PPM1E: variants seen among roughly 807,000 people sequenced by gnomAD.
PPM1E encodes protein phosphatase 1E.
Under a neutral mutation model 65.9 loss-of-function variants are expected in PPM1E, and 20 were observed. The ratio of observed to expected loss-of-function variants is 0.30; its 90% CI spans 0.21 to 0.44. The LOEUF (loss-of-function observed/expected upper bound fraction) is 0.44, where lower values mean the gene tolerates loss of function less well. Ranked by LOEUF, PPM1E falls within the 20% of genes least tolerant of loss-of-function variation. PPM1E has a pLI of 1.00. For synonymous variants in PPM1E, 352 were observed against 374.9 expected (o/e 0.94, Z 0.70); for missense variants, 713 against 953.1 (o/e 0.75, Z 3.32).
rs116150817 is a variant in PPM1E, at chr17:58,761,099, T to C, written c.464+4638T>C. 3.4e-3 allele frequency among the ~76,000 whole-genome samples: 522 copies of C among 152,230 alleles called. 6 individuals are homozygous for C. The highest frequency in any genetic ancestry group is 0.012 in the African/African-American group (512 of 41,532). The stretch of plus-strand genomic sequence containing the variant: ...TGTTTTGTTTTTTAAAGAGATGGGG[T>C]CTCACTATATTCCCTACGCTGGATT... On this transcript the variant is annotated intron_variant, in intron 1 of 6. Coordinates refer to ENST00000308249, the MANE Select transcript of PPM1E (RefSeq NM_014906.5).
intron 1 of PPM1E, among the ~76,000 whole-genome samples, chr17:58,832,057 A>G (rs1243490176): frequency 6.6e-6 from 1 of 152,194 alleles, no homozygotes; most frequent in Non-Finnish European, 1.5e-5. Context: ...CTGTAGGACT[A>G]TTGATCCTAA....
At chr17:58,968,368 T>C (rs1321083030) in intron 3 of PPM1E, among the ~76,000 whole-genome samples, 3 of 152,162 alleles carry the variant, frequency 2.0e-5, no homozygotes, top group Non-Finnish European at 4.4e-5. Context: ...GAAGTTACAA[T>C]GATCTGTGAT....
intron 3 of PPM1E, among the ~76,000 whole-genome samples, chr17:58,968,963 T>C (rs147096902): frequency 4.6e-5 from 7 of 152,328 alleles, no homozygotes; most frequent in African/African-American, 1.7e-4. Context: ...GTGCTATTTG[T>C]GGTGAGAATG....
chr17:58,770,930 C>T (rs1157971965), intron 1 of PPM1E, among the ~76,000 whole-genome samples: 3 of 151,558 alleles, frequency 2.0e-5, no homozygotes, highest in East Asian at 1.9e-4. Flanking sequence ...AATCTCGGCA[C>T]GCTGCAGCCT....
chr17:58,783,853 G>A (rs1598568583), intron 1 of PPM1E, among the ~76,000 whole-genome samples: 1 of 148,122 alleles, frequency 6.8e-6, no homozygotes, highest in African/African-American at 2.5e-5. Flanking sequence ...GATTACAGGT[G>A]ACCACCACCA....
intron 1 of PPM1E, among the ~76,000 whole-genome samples, chr17:58,825,940 G>A (rs1416535743): frequency 6.6e-6 from 1 of 151,894 alleles, no homozygotes; most frequent in African/African-American, 2.4e-5. Flanking sequence ...AGAAATTATA[G>A]TTTTAGTTTT....
At chr17:58,801,408 TC>T (rs1444830303) in intron 1 of PPM1E, among the ~76,000 whole-genome samples, 1 of 151,824 alleles carries the variant, frequency 6.6e-6, no homozygotes, top group Non-Finnish European at 1.5e-5. Flanking sequence ...TCCCCCTTTA[TC>T]TCTGATAATA....
chr17:58,759,521 CAT>C (rs1482658795), intron 1 of PPM1E, among the ~76,000 whole-genome samples: 4 of 152,342 alleles, frequency 2.6e-5, no homozygotes, highest in South Asian at 2.1e-4. Context: ...CTAGAGATAA[CAT>C]ATATTTGTTT....
chr17:58,767,711 C>A (rs984754470), intron 1 of PPM1E, among the ~76,000 whole-genome samples: 6 of 151,824 alleles, frequency 4.0e-5, no homozygotes, highest in African/African-American at 1.5e-4. Context: ...GGCACGATCT[C>A]AGCTCACCGC....
intron 1 of PPM1E, among the ~76,000 whole-genome samples, chr17:58,865,206 G>C (rs534869915): frequency 2.0e-5 from 3 of 151,524 alleles, no homozygotes; most frequent in African/African-American, 7.3e-5. Flanking sequence ...GGCCAACGTG[G>C]TGAAACCCAG....
At chr17:58,935,720 T>A (rs1052678677) in intron 1 of PPM1E, among the ~76,000 whole-genome samples, 2 of 152,212 alleles carry the variant, frequency 1.3e-5, no homozygotes, top group African/African-American at 4.8e-5. Context: ...AGACTTAGGA[T>A]AACTTTGGTT....
intron 1 of PPM1E, among the ~76,000 whole-genome samples, chr17:58,761,920 T>C (rs578174125): frequency 6.6e-6 from 1 of 152,372 alleles, no homozygotes; most frequent in East Asian, 1.9e-4. Flanking sequence ...TGTTTATTTG[T>C]GTATAACATA....
At chr17:58,757,599 G>T (rs974566809) in intron 1 of PPM1E, among the ~76,000 whole-genome samples, 3 of 152,072 alleles carry the variant, frequency 2.0e-5, no homozygotes, top group Admixed American at 1.3e-4. Flanking sequence ...TCACTTTTGG[G>T]ATTTTCTCAA....
At chr17:58,951,835 T>A (rs911044127) in intron 1 of PPM1E, among the ~76,000 whole-genome samples, 2 of 152,210 alleles carry the variant, frequency 1.3e-5, no homozygotes, top group Admixed American at 6.5e-5. Context: ...TTGAATTCTT[T>A]TTCTGGCATT....
intron 1 of PPM1E, among the ~76,000 whole-genome samples, chr17:58,793,251 CATG>C (rs1567835240): frequency 2.6e-5 from 4 of 151,978 alleles, no homozygotes; most frequent in Non-Finnish European, 5.9e-5. Flanking sequence ...GTCTCTACTA[CATG>C]TATATGTAAT....
chr17:58,778,843 C>T (rs994808322), intron 1 of PPM1E, among the ~76,000 whole-genome samples: 17 of 150,116 alleles, frequency 1.1e-4, no homozygotes, highest in African/African-American at 4.2e-4. Context: ...TTGTATTTTG[C>T]CACTCCAAAG....
chr17:58,942,827 TAA>T (rs1397628669), intron 1 of PPM1E, among the ~76,000 whole-genome samples: 1 of 87,786 alleles, frequency 1.1e-5, no homozygotes. Context: ...AGTATAATAA[TAA>T]AAAAAAAGAA....
At chr17:58,848,718 A>G (rs2050795286) in intron 1 of PPM1E, among the ~76,000 whole-genome samples, 1 of 152,176 alleles carries the variant, frequency 6.6e-6, no homozygotes, top group African/African-American at 2.4e-5. Context: ...CATCAGGGAT[A>G]TTGGTCTAAA....
At chr17:58,948,596 C>A (rs114879009) in intron 1 of PPM1E, among the ~76,000 whole-genome samples, 9 of 152,114 alleles carry the variant, frequency 5.9e-5, no homozygotes, top group Non-Finnish European at 1.3e-4. Context: ...AACGCTGGAG[C>A]CTTATGGTCA....
Sources: allele counts gnomAD v4.1 joint callset (sites outside exome capture counted in the v4.1 genomes callset), GRCh38; gene constraint gnomAD v4.1.1; transcripts MANE v1.5; gene names NCBI Gene and HGNC (gene_info 2026-07-23, HGNC 2026-07-21).